Variants in ALKBH1 observed in about 807,000 individuals in gnomAD.
The protein encoded by ALKBH1 is nucleic acid dioxygenase ALKBH1.
In ALKBH1, 31 loss-of-function variants were observed where a neutral mutation model predicts 36.6. The ratio of observed to expected loss-of-function variants is 0.85; its 90% confidence interval spans 0.64 to 1.14. ALKBH1 has a LOEUF of 1.14. ALKBH1 is among the 50% of genes most tolerant of loss of function. ALKBH1 has a pLI of 0.00. For missense variants in ALKBH1, 490 were observed against 497.3 expected, an observed-to-expected ratio of 0.99 and a Z score of 0.14; for synonymous variants, 183 against 186.6, an observed-to-expected ratio of 0.98 and a Z score of 0.16.
chr14:77,707,987 C>T lies in ALKBH1; in HGVS notation c.18G>A (p.Ala6=), dbSNP rs754775874. The change falls in exon 1 of 6, where the codon GCG becomes GCA. Residue 6 remains alanine (A), a synonymous_variant. Coordinates refer to ENST00000216489, the MANE Select transcript of ALKBH1 (RefSeq NM_006020.3). MGKMA[A]AVGSVATLAT... ...CCAGAGTCGCCACAGAGCCCACGGC[C>T]GCTGCCATCTTCCCCATCTCGCGGC... The T allele has an allele frequency of 3.7e-6, 6 of 1,610,352 alleles. No individual in the cohort carries two copies. Among genetic ancestry groups the T allele is most frequent in the South Asian group, 3.3e-5 (3 of 90,870 alleles).
At chr14:77,679,208 A>G (rs749136021) in intron 4 of ALKBH1, among the ~76,000 whole-genome samples, 17 of 152,224 alleles carry the variant, frequency 1.1e-4, no homozygotes, top group Non-Finnish European at 1.9e-4. Context: ...TATTACATAG[A>G]AAAATAAGTG....
chr14:77,673,667 T>C lies in ALKBH1; in HGVS notation c.*145A>G. The C allele has an allele frequency of 1.2e-6, 1 of 838,102 alleles. No homozygotes were observed. The highest frequency in any genetic ancestry group is 1.9e-6 in the Non-Finnish European group (1 of 538,872). The allele number at this position is 838,102 out of a possible 1,614,324, so 51.9% of individuals were successfully genotyped here. On this transcript the variant is annotated 3_prime_UTR_variant, in exon 6 of 6. Transcript: ENST00000216489. ...TGGCTGAGTTTACTTCTGCGTGGGT[T>C]CCAAGGCAACAGTGTGATCAACAAT...
At chr14:77,686,714 C>G (rs8003070) in intron 3 of ALKBH1, among the ~76,000 whole-genome samples, 2,024 of 152,268 alleles carry the variant, frequency 0.013, 54 homozygotes, top group African/African-American at 0.046. Context: ...ACCTCCGCCT[C>G]CTGGGTTCAA....
chr14:77,680,754 A>G (rs1409002567), intron 3 of ALKBH1, among the ~76,000 whole-genome samples: 1 of 144,956 alleles, frequency 6.9e-6, no homozygotes, highest in East Asian at 2.0e-4. Context: ...ATCTTGGCTC[A>G]CCACAGCCTC....
chr14:77,692,583 T>C (rs556379981), intron 3 of ALKBH1, among the ~76,000 whole-genome samples: 1 of 152,308 alleles, frequency 6.6e-6, no homozygotes, highest in African/African-American at 2.4e-5. Flanking sequence ...CTTGGCTGTC[T>C]AGGTCTGCTG....
At position 77,674,148 on chromosome 14, in the gene ALKBH1, CATT is replaced by C; in HGVS notation, c.831_833del (p.Ile277del). ...GGTTCAAGAGGCGGCTGAAACCCGACATTATCATGATGTCACCACTGTGCATAA... is the reference window on the plus strand; with the variant it reads ...GGTTCAAGAGGCGGCTGAAACCCGACATCATGATGTCACCACTGTGCATAA... On this transcript the variant is annotated inframe_deletion, in exon 6 of 6. Transcript: ENST00000216489. 2 of 1,614,204 alleles carry C rather than the reference CATT, an allele frequency of 1.2e-6. No homozygotes were observed. Among genetic ancestry groups the C allele is most frequent in the Non-Finnish European group, 1.7e-6 (2 of 1,180,036 alleles).
intron 3 of ALKBH1, among the ~76,000 whole-genome samples, chr14:77,689,030 G>A (rs551242849): frequency 1.3e-5 from 2 of 152,292 alleles, no homozygotes; most frequent in South Asian, 2.1e-4. Context: ...GACATGCAGA[G>A]CCATTTATAT....
chr14:77,703,385 G>T (rs537960632), intron 2 of ALKBH1, among the ~76,000 whole-genome samples: 10 of 150,242 alleles, frequency 6.7e-5, no homozygotes, highest in Non-Finnish European at 3.0e-5. Context: ...TCTGCCTCCC[G>T]GGATCATGCC....
chr14:77,680,999 A>T (rs2080234918), intron 3 of ALKBH1, among the ~76,000 whole-genome samples: 1 of 152,158 alleles, frequency 6.6e-6, no homozygotes, highest in Non-Finnish European at 1.5e-5. Flanking sequence ...CTAAAAAGGA[A>T]GCTTGTTTGT....
intron 3 of ALKBH1, among the ~76,000 whole-genome samples, chr14:77,681,538 T>A (rs777473015): frequency 1.3e-4 from 20 of 152,180 alleles, no homozygotes; most frequent in Non-Finnish European, 2.8e-4. Context: ...AAGAAAGACA[T>A]CATGACACAT....
In ALKBH1 at chr14:77,675,730, G is replaced by A. The variant is rs1242572682; in HGVS notation, c.666C>T (p.Tyr222=). The change falls in exon 5 of 6, where the codon TAC becomes TAT. Residue 222 remains tyrosine (Y), a synonymous_variant. Coordinates refer to ENST00000216489, the MANE Select transcript of ALKBH1 (RefSeq NM_006020.3). ...FRAEAGILNY[Y]RLDSTLGIHV... ...GGATTCCCAGTGTGGAGTCCAGGCG[G>A]TAGTAATTCAGGATCCCTGCTTCAG... is the stretch of plus-strand genomic sequence containing the variant. 1.9e-5 allele frequency: 31 copies of A among 1,614,130 alleles called. No individual in the cohort carries two copies. Among genetic ancestry groups the A allele is most frequent in the Non-Finnish European group, 2.5e-5 (29 of 1,179,998 alleles).
intron 1 of ALKBH1, among the ~76,000 whole-genome samples, chr14:77,705,455 A>G (rs971556112): frequency 1.3e-5 from 2 of 152,054 alleles, no homozygotes; most frequent in South Asian, 2.1e-4. Context: ...AGAGTGCTGT[A>G]AACAGACAGA....
intron 1 of ALKBH1, 72 bp from the exon 2 acceptor site, chr14:77,704,549 C>A: frequency 1.7e-6 from 2 of 1,200,750 alleles, no homozygotes; most frequent in Non-Finnish European, 2.5e-6. Context: ...CTCAAACCTC[C>A]AAACACATTT....
In ALKBH1 at chr14:77,672,824, T is replaced by C. The variant is rs946675712; in HGVS notation, c.*988A>G. 2 of 152,174 alleles carry C rather than the reference T, an allele frequency of 1.3e-5. No homozygotes were observed. Among genetic ancestry groups the C allele is most frequent in the Non-Finnish European group, 2.9e-5 (2 of 68,026 alleles). The allele number at this position is 152,174 out of a possible 1,614,324, so 9.4% of individuals were successfully genotyped here. A position where few individuals can be genotyped will look rare whatever the true frequency, so the allele number is the denominator to read the frequency against. ...ATTAAAACTTGGTGTTGCCTACATT[T>C]TTCCAAGCTGCCTACCCTCAGACAA... is the stretch of plus-strand genomic sequence containing the variant. On this transcript the variant is annotated 3_prime_UTR_variant, in exon 6 of 6. Coordinates refer to ENST00000216489, the MANE Select transcript of ALKBH1 (RefSeq NM_006020.3).
intron 2 of ALKBH1, among the ~76,000 whole-genome samples, chr14:77,697,699 A>G (rs953758008): frequency 1.7e-5 from 2 of 115,842 alleles, no homozygotes; most frequent in Non-Finnish European, 3.7e-5. Context: ...TGCTGTAATA[A>G]AAAAAAAAAA....
chr14:77,676,631 T>C (rs372375409), intron 4 of ALKBH1, among the ~76,000 whole-genome samples: 15 of 152,348 alleles, frequency 9.8e-5, no homozygotes, highest in East Asian at 7.7e-4. Flanking sequence ...ATTACAGTAA[T>C]GTATTACTAT....
chr14:77,686,409 C>G (rs1317690128), intron 3 of ALKBH1, among the ~76,000 whole-genome samples: 1 of 152,078 alleles, frequency 6.6e-6, no homozygotes, highest in Non-Finnish European at 1.5e-5. Flanking sequence ...TCCAATTATC[C>G]AAAAGAATGT....
intron 1 of ALKBH1, among the ~76,000 whole-genome samples, chr14:77,705,883 C>G (rs1002574690): frequency 2.1e-4 from 32 of 151,836 alleles, no homozygotes; most frequent in African/African-American, 7.5e-4. Context: ...GGCGAAACCC[C>G]GTCTCTACTA....
intron 3 of ALKBH1, among the ~76,000 whole-genome samples, chr14:77,682,159 T>G (rs1016028257): frequency 1.3e-5 from 2 of 152,200 alleles, no homozygotes; most frequent in Admixed American, 6.5e-5. Context: ...ACTAGCTGAT[T>G]TGAACAATTA....
Sources: gnomAD v4.1 joint callset for allele counts (sites outside exome capture counted in the v4.1 genomes callset) on GRCh38, gnomAD v4.1.1 for gene constraint, MANE v1.5 for transcripts, NCBI Gene and HGNC (gene_info 2026-07-23, HGNC 2026-07-21) for gene names.